Variants in GUCY1A2 observed in about 807,000 individuals in gnomAD.
GUCY1A2 encodes the protein guanylate cyclase soluble subunit alpha-2.
GUCY1A2 carries 27 observed loss-of-function variants against 63.5 expected under a neutral mutation model. The ratio of observed to expected loss-of-function variants is 0.43; its 90% CI spans 0.31 to 0.59. GUCY1A2 has a LOEUF of 0.59. Ranked by LOEUF, GUCY1A2 falls within the 20% of genes least tolerant of loss-of-function variation. The pLI is 0.11. For synonymous variants in GUCY1A2, 364 were observed against 343.5 expected, an observed-to-expected ratio of 1.06 and a Z score of -0.66; for missense variants, 768 against 913.3, an observed-to-expected ratio of 0.84 and a Z score of 2.05.
chr11:106,923,086 G>T (rs1860471179), intron 4 of GUCY1A2, among the ~76,000 whole-genome samples: 1 of 151,914 alleles, frequency 6.6e-6, no homozygotes, highest in South Asian at 2.1e-4. Flanking sequence ...ATTTCATTAG[G>T]GTTTTCTTTG....
chr11:106,739,281 G>A (rs1010392371), intron 6 of GUCY1A2, among the ~76,000 whole-genome samples: 3 of 152,162 alleles, frequency 2.0e-5, no homozygotes, highest in African/African-American at 7.2e-5. Flanking sequence ...TTCAGCTTAA[G>A]AAGATTTTGG....
intron 4 of GUCY1A2, among the ~76,000 whole-genome samples, chr11:106,854,272 T>C (rs1313565365): frequency 6.6e-6 from 1 of 151,778 alleles, no homozygotes; most frequent in Non-Finnish European, 1.5e-5. Flanking sequence ...ACACCAGAAG[T>C]AGTGTTTGTA....
At chr11:106,965,474 G>C (rs1445268933) in intron 3 of GUCY1A2, among the ~76,000 whole-genome samples, 1 of 152,092 alleles carries the variant, frequency 6.6e-6, no homozygotes, top group Admixed American at 6.5e-5. Flanking sequence ...TGTGTATATG[G>C]AGAAAAAGAA....
At chr11:106,763,131 T>A (rs937599367) in intron 6 of GUCY1A2, among the ~76,000 whole-genome samples, 3 of 152,158 alleles carry the variant, frequency 2.0e-5, no homozygotes, top group Admixed American at 6.6e-5. Flanking sequence ...TTCATACGTA[T>A]ATTTGGAAAA....
At chr11:106,724,830 C>G (rs781580838) in intron 6 of GUCY1A2, among the ~76,000 whole-genome samples, 18 of 152,140 alleles carry the variant, frequency 1.2e-4, no homozygotes, top group Non-Finnish European at 2.5e-4. Flanking sequence ...GAGTGTGCAA[C>G]ACTCTGTGTC....
intron 6 of GUCY1A2, among the ~76,000 whole-genome samples, chr11:106,719,790 G>C (rs1469531692): frequency 6.6e-6 from 1 of 152,090 alleles, no homozygotes; most frequent in Non-Finnish European, 1.5e-5. Flanking sequence ...ACCCTCCCTA[G>C]GGTTTCTAAT....
intron 4 of GUCY1A2, among the ~76,000 whole-genome samples, chr11:106,879,905 C>T (rs888522586): frequency 3.9e-5 from 6 of 152,090 alleles, no homozygotes; most frequent in Non-Finnish European, 7.4e-5. Context: ...GAGCTATATG[C>T]TGTCATCAGT....
intron 4 of GUCY1A2, among the ~76,000 whole-genome samples, chr11:106,831,906 C>T (rs1203311535): frequency 1.3e-5 from 2 of 152,138 alleles, no homozygotes; most frequent in Non-Finnish European, 2.9e-5. Flanking sequence ...GATCTAGACT[C>T]GCACCTCCTC....
At position 106,991,845 on chromosome 11, in the gene GUCY1A2, C is replaced by T. The variant is rs750531459; in HGVS notation, c.304-5714G>A. On this transcript the variant is annotated intron_variant, in intron 1 of 7. Coordinates refer to ENST00000526355, the MANE Select transcript of GUCY1A2 (RefSeq NM_000855.3). ...AATTCAGCATTTAGTTTTGTGCTAA[C>T]ATGCACATAAAAATACAACAGCTAG... 9.9e-5 allele frequency among the ~76,000 whole-genome samples: 15 copies of T among 152,210 alleles called. 1 individual carries two copies. The highest frequency in any genetic ancestry group is 1.8e-4 in the Non-Finnish European group (12 of 68,036).
intron 5 of GUCY1A2, among the ~76,000 whole-genome samples, chr11:106,795,775 T>C (rs1864747034): frequency 6.6e-6 from 1 of 152,174 alleles, no homozygotes; most frequent in South Asian, 2.1e-4. Flanking sequence ...CACAAATCAT[T>C]TAAAACTTAT....
At chr11:107,000,237 T>C (rs912563299) in intron 1 of GUCY1A2, among the ~76,000 whole-genome samples, 1 of 152,256 alleles carries the variant, frequency 6.6e-6, no homozygotes, top group Non-Finnish European at 1.5e-5. Flanking sequence ...AAAGACTTTA[T>C]AGCTTGCAAA....
At chr11:106,847,291 C>T (rs944005588) in intron 4 of GUCY1A2, among the ~76,000 whole-genome samples, 4 of 136,718 alleles carry the variant, frequency 2.9e-5, no homozygotes, top group Non-Finnish European at 4.9e-5. Flanking sequence ...ATTGTTTCTG[C>T]TTATATATAT....
chr11:106,989,596 G>A (rs911910721), intron 1 of GUCY1A2, among the ~76,000 whole-genome samples: 1 of 152,026 alleles, frequency 6.6e-6, no homozygotes. Context: ...TAGGAACACA[G>A]ACTTCAATTA....
chr11:106,826,459 A>T, intron 4 of GUCY1A2: 1 of 1,584,532 alleles, frequency 6.3e-7, no homozygotes, highest in Non-Finnish European at 8.7e-7. Context: ...TGAAAGATTC[A>T]TTTGGTTTAA....
chr11:106,836,047 G>C (rs1443504374), intron 4 of GUCY1A2, among the ~76,000 whole-genome samples: 1 of 151,932 alleles, frequency 6.6e-6, no homozygotes, highest in Non-Finnish European at 1.5e-5. Context: ...TATTGAGTGA[G>C]TTTAAGAAAC....
chr11:106,841,831 C>T (rs1462370824), intron 4 of GUCY1A2, among the ~76,000 whole-genome samples: 2 of 151,924 alleles, frequency 1.3e-5, no homozygotes, highest in African/African-American at 4.8e-5. Context: ...AAAACAAGCA[C>T]AAATGAAACC....
intron 4 of GUCY1A2, among the ~76,000 whole-genome samples, chr11:106,814,833 A>G (rs1315261010): frequency 6.6e-6 from 1 of 152,124 alleles, no homozygotes; most frequent in Non-Finnish European, 1.5e-5. Flanking sequence ...AATAGAATCT[A>G]GAGTCTCCTA....
At chr11:106,708,795 A>G in intron 6 of GUCY1A2, 129 bp from the exon 7 acceptor site, 1 of 528,688 alleles carries the variant, frequency 1.9e-6, no homozygotes, top group Non-Finnish European at 3.1e-6. Flanking sequence ...AAAGACAGGA[A>G]CTGAGTCCTG....
chr11:106,739,413 C>A (rs1192794185), intron 6 of GUCY1A2, among the ~76,000 whole-genome samples: 1 of 152,174 alleles, frequency 6.6e-6, no homozygotes, highest in Non-Finnish European at 1.5e-5. Context: ...AATTATTTAG[C>A]AAACAGTGGT....
Sources: gnomAD v4.1 joint callset for allele counts (sites outside exome capture counted in the v4.1 genomes callset) on GRCh38, gnomAD v4.1.1 for gene constraint, MANE v1.5 for transcripts, NCBI Gene and HGNC (gene_info 2026-07-23, HGNC 2026-07-21) for gene names.